The following PKHD1 variants were observed in gnomAD, a reference collection of about 807,000 sequenced individuals.
PKHD1 encodes fibrocystin.
Under a neutral mutation model 412.0 loss-of-function variants are expected in PKHD1, and 291 were observed. The observed-to-expected ratio is 0.71, with a 90% CI of 0.64 to 0.78. The LOEUF is 0.78. PKHD1 is among the 30% of genes least tolerant of loss of function. PKHD1 has a pLI of 0.00. For synonymous variants in PKHD1, 1,777 were observed against 1,821.5 expected (o/e 0.98, Z 0.62); for missense variants, 4,825 against 4,950.7 (o/e 0.97, Z 0.76).
At chr6:51,857,042 G>A (rs552079095) in intron 48 of PKHD1, among the ~76,000 whole-genome samples, 1 of 152,272 alleles carries the variant, frequency 6.6e-6, no homozygotes, top group East Asian at 1.9e-4. Context: ...AGCAATATGT[G>A]AGTATCACAA....
chr6:52,024,909 A>G lies in PKHD1; in HGVS notation c.4901T>C (p.Val1634Ala). Residue 1634 changes from valine (V) to alanine (A), a missense_variant, in exon 32 of 67, where the codon GTT (valine) becomes GCT (alanine). By Grantham distance (64) the Val-to-Ala change is moderately conservative. Coordinates refer to ENST00000371117, the MANE Select transcript of PKHD1 (RefSeq NM_138694.4). Reference protein sequence around the residue: ...RCIVPTGNGSVALEIEVDGLW... With the variant: ...RCIVPTGNGSAALEIEVDGLW... ...TCCATCTACCTCTATTTCCAGGGCA[A>G]CAGAGCCATTCCCTGTGGGAACAAT... The G allele has an allele frequency of 6.2e-7, 1 of 1,614,206 alleles. No individual in the cohort carries two copies. Among genetic ancestry groups the G allele is most frequent in the Non-Finnish European group, 8.5e-7 (1 of 1,180,044 alleles).
At chr6:51,682,533 T>A (rs1317912698) in intron 60 of PKHD1, among the ~76,000 whole-genome samples, 2 of 152,056 alleles carry the variant, frequency 1.3e-5, no homozygotes, top group African/African-American at 2.4e-5. Flanking sequence ...GTTATTATAT[T>A]TGGGCTTTGC....
intron 55 of PKHD1, among the ~76,000 whole-genome samples, chr6:51,762,294 A>G (rs1562254670): frequency 6.6e-6 from 1 of 152,070 alleles, no homozygotes. Flanking sequence ...TGGTTGACAA[A>G]GTAACCATTT....
At chr6:52,043,946 A>G (rs1431454564) in intron 25 of PKHD1, among the ~76,000 whole-genome samples, 2 of 152,178 alleles carry the variant, frequency 1.3e-5, no homozygotes, top group African/African-American at 2.4e-5. Flanking sequence ...GCTGAACCCC[A>G]TTTCTGTAAT....
intron 60 of PKHD1, among the ~76,000 whole-genome samples, chr6:51,725,493 A>G (rs879232408): frequency 6.6e-6 from 1 of 152,164 alleles, no homozygotes; most frequent in Admixed American, 6.5e-5. Context: ...ATGGAGAGAA[A>G]GAGAAGAGGA....
chr6:51,923,921 A>G (rs1285813410), intron 37 of PKHD1, among the ~76,000 whole-genome samples: 1 of 152,212 alleles, frequency 6.6e-6, no homozygotes, highest in Admixed American at 6.5e-5. Flanking sequence ...AGAAAATGGA[A>G]TGAGTTTTAG....
intron 11 of PKHD1, among the ~76,000 whole-genome samples, chr6:52,068,758 G>T (rs147936333): frequency 1.0e-3 from 153 of 152,298 alleles, no homozygotes; most frequent in Middle Eastern, 3.4e-3. Flanking sequence ...TTGAAAGAAA[G>T]GAAAAATCAG....
intron 37 of PKHD1, among the ~76,000 whole-genome samples, chr6:51,930,203 C>G (rs1452873184): frequency 1.3e-5 from 2 of 152,158 alleles, no homozygotes; most frequent in African/African-American, 4.8e-5. Flanking sequence ...TCCTTATTGA[C>G]TACAGCTACC....
intron 35 of PKHD1, among the ~76,000 whole-genome samples, chr6:51,995,188 G>GAAC (rs141511864): frequency 0.03 from 4,492 of 152,222 alleles, 586 homozygotes; most frequent in Admixed American, 0.24. Flanking sequence ...AGCTCCAAGA[G>GAAC]AACAGCAGCT....
chr6:51,905,515 A>C (rs2127632907), intron 41 of PKHD1, among the ~76,000 whole-genome samples: 1 of 152,328 alleles, frequency 6.6e-6, no homozygotes, highest in Non-Finnish European at 1.5e-5. Context: ...GGAAGGAAAA[A>C]GTGTGGTCTT....
intron 52 of PKHD1, among the ~76,000 whole-genome samples, chr6:51,808,904 C>G (rs1386727725): frequency 1.3e-5 from 2 of 152,092 alleles, no homozygotes; most frequent in East Asian, 3.8e-4. Context: ...AGATTACTCT[C>G]TAGAAAGTTC....
rs752557658 is a variant in PKHD1 at position 52,025,849 on chromosome 6, C to T, written c.3961G>A (p.Gly1321Arg). 2 of 1,614,192 alleles carry T rather than the reference C, an allele frequency of 1.2e-6. No individual in the cohort carries two copies. Among genetic ancestry groups the T allele is most frequent in the South Asian group, 1.1e-5 (1 of 91,086 alleles). The change falls in exon 32 of 67, where the codon GGA becomes AGA. Residue 1321 changes from glycine to arginine, a missense_variant. Gly to Arg is a moderately radical substitution (Grantham distance 125). Transcript: ENST00000371117. ...TNSSLSLHVGGSNLSNSVILL... is the reference protein window; with the variant it reads ...TNSSLSLHVGRSNLSNSVILL... ...ATGACTGAGTTGGAGAGGTTACTTC[C>T]TCCCACATGCAGGCTCAGGCTGCTA...
chr6:52,085,432 G>A (rs1432560771), intron 1 of PKHD1, among the ~76,000 whole-genome samples: 1 of 152,008 alleles, frequency 6.6e-6, no homozygotes, highest in Non-Finnish European at 1.5e-5. Context: ...CGTTCTCACC[G>A]TCACTCAGAC....
chr6:51,753,607 G>A (rs1210038848), intron 56 of PKHD1, among the ~76,000 whole-genome samples: 1 of 152,160 alleles, frequency 6.6e-6, no homozygotes, highest in Non-Finnish European at 1.5e-5. Flanking sequence ...ATAACTGTGG[G>A]TACTGGAACA....
At chr6:52,066,285 T>G (rs1364818151) in intron 11 of PKHD1, among the ~76,000 whole-genome samples, 1 of 152,088 alleles carries the variant, frequency 6.6e-6, no homozygotes, top group Non-Finnish European at 1.5e-5. Context: ...GGATCAATAT[T>G]TGAAAGGAAG....
chr6:51,917,195 GGAGA>G (rs70977317), intron 37 of PKHD1, among the ~76,000 whole-genome samples: 3,816 of 113,928 alleles, frequency 0.033, 60 homozygotes, highest in South Asian at 0.045. Context: ...GAGGTGGGGG[GGAGA>G]GAGAGAGAGA....
At chr6:51,795,152 C>T (rs1041768009) in intron 52 of PKHD1, among the ~76,000 whole-genome samples, 4 of 152,124 alleles carry the variant, frequency 2.6e-5, no homozygotes, top group Admixed American at 2.6e-4. Context: ...TTCTTCCTAT[C>T]CATGAGCATG....
chr6:51,896,631 T>C (rs1441616882), intron 43 of PKHD1, among the ~76,000 whole-genome samples: 2 of 152,124 alleles, frequency 1.3e-5, no homozygotes, highest in East Asian at 3.9e-4. Context: ...AGGAACGCAG[T>C]TCCTCACCAG....
At chr6:51,842,791 C>T (rs747793444) in intron 50 of PKHD1, among the ~76,000 whole-genome samples, 1 of 152,174 alleles carries the variant, frequency 6.6e-6, no homozygotes, top group Non-Finnish European at 1.5e-5. Context: ...TTTGGGGGAC[C>T]CAGCTGCCTA....
Sources: gnomAD v4.1 joint callset for allele counts (sites outside exome capture counted in the v4.1 genomes callset) on GRCh38, gnomAD v4.1.1 for gene constraint, MANE v1.5 for transcripts, NCBI Gene and HGNC (gene_info 2026-07-23, HGNC 2026-07-21) for gene names.